METTL25: variants seen among roughly 807,000 people sequenced by gnomAD.
METTL25 encodes probable methyltransferase-like protein 25.
A neutral mutation model predicts 71.6 loss-of-function variants in METTL25; 64 were observed. The ratio of observed to expected loss-of-function variants is 0.89; its 90% CI spans 0.73 to 1.10. The LOEUF (loss-of-function observed/expected upper bound fraction) is 1.10. Among genes scored for constraint, METTL25 ranks in the 50% least tolerant of loss-of-function variants. The pLI is 0.00. For missense variants in METTL25, 807 were observed against 707.0 expected (o/e 1.14, Z -1.60); for synonymous variants, 287 against 250.3 (o/e 1.15, Z -1.38).
intron 9 of METTL25, among the ~76,000 whole-genome samples, chr12:82,467,561 G>A (rs967076897): frequency 3.3e-5 from 5 of 151,898 alleles, no homozygotes; most frequent in South Asian, 2.1e-4. Flanking sequence ...CATTATCTTG[G>A]CTGGCAGTTT....
At chr12:82,460,505 T>C (rs1891791479) in intron 9 of METTL25, among the ~76,000 whole-genome samples, 1 of 152,314 alleles carries the variant, frequency 6.6e-6, no homozygotes, top group East Asian at 1.9e-4. Context: ...ATAATTCATG[T>C]TGCTAGTATG....
At chr12:82,399,627 G>C (rs1024592726) in intron 4 of METTL25, among the ~76,000 whole-genome samples, 1 of 151,940 alleles carries the variant, frequency 6.6e-6, no homozygotes, top group Non-Finnish European at 1.5e-5. Flanking sequence ...TTGAAGTCCT[G>C]GCACAAAAGC....
At chr12:82,415,191 A>G (rs1013079482) in intron 5 of METTL25, among the ~76,000 whole-genome samples, 8 of 152,120 alleles carry the variant, frequency 5.3e-5, no homozygotes, top group African/African-American at 1.9e-4. Context: ...TTCATTAATA[A>G]AAAATGTTTT....
chr12:82,437,359 T>G (rs983751627), intron 7 of METTL25, among the ~76,000 whole-genome samples: 1 of 151,690 alleles, frequency 6.6e-6, no homozygotes, highest in Non-Finnish European at 1.5e-5. Context: ...ATCCCCACTA[T>G]TCCTGCTTTA....
chr12:82,361,318 A>T (rs548997846), intron 1 of METTL25, among the ~76,000 whole-genome samples: 4 of 152,328 alleles, frequency 2.6e-5, no homozygotes, highest in African/African-American at 9.6e-5. Flanking sequence ...AGTTTATCCA[A>T]GTCCCCACTA....
At chr12:82,370,802 GTC>G (rs1883152895) in intron 1 of METTL25, among the ~76,000 whole-genome samples, 1 of 150,842 alleles carries the variant, frequency 6.6e-6, no homozygotes. Context: ...CTGACTTTCT[GTC>G]TCTTTCTCTC....
chr12:82,384,654 G>C (rs556169792), intron 1 of METTL25, among the ~76,000 whole-genome samples: 1 of 151,874 alleles, frequency 6.6e-6, no homozygotes, highest in African/African-American at 2.4e-5. Flanking sequence ...TTGTAACTCA[G>C]ATCTTTAAAT....
chr12:82,463,884 C>A (rs1265757402), intron 9 of METTL25, among the ~76,000 whole-genome samples: 2 of 151,648 alleles, frequency 1.3e-5, no homozygotes, highest in African/African-American at 4.8e-5. Context: ...TGTATGTCTT[C>A]TTTTGAGAAA....
intron 8 of METTL25, among the ~76,000 whole-genome samples, chr12:82,453,695 ATAAC>A (rs1248082198): frequency 7.2e-5 from 11 of 152,174 alleles, no homozygotes; most frequent in Admixed American, 7.2e-4. Flanking sequence ...ACTTATTTGT[ATAAC>A]TAAGCCTGCC....
intron 9 of METTL25, among the ~76,000 whole-genome samples, chr12:82,467,746 C>A (rs1019187717): frequency 6.6e-6 from 1 of 152,054 alleles, no homozygotes; most frequent in Admixed American, 6.6e-5. Flanking sequence ...AGTAGTTTGA[C>A]TTTAATATGC....
intron 1 of METTL25, among the ~76,000 whole-genome samples, chr12:82,374,703 C>T (rs573394969): frequency 6.6e-6 from 1 of 152,242 alleles, no homozygotes; most frequent in Non-Finnish European, 1.5e-5. Flanking sequence ...GTGTATAGAA[C>T]AGTGTAAGCA....
chr12:82,368,587 C>T (rs938398588), intron 1 of METTL25, among the ~76,000 whole-genome samples: 1 of 152,038 alleles, frequency 6.6e-6, no homozygotes, highest in Non-Finnish European at 1.5e-5. Flanking sequence ...CTCATACCCC[C>T]GAAAATGAAT....
chr12:82,451,701 G>A (rs564372960), intron 8 of METTL25, among the ~76,000 whole-genome samples: 1 of 152,020 alleles, frequency 6.6e-6, no homozygotes, highest in Non-Finnish European at 1.5e-5. Flanking sequence ...CTGATTTTTA[G>A]GGTCTCATTT....
intron 1 of METTL25, among the ~76,000 whole-genome samples, chr12:82,371,267 G>A (rs538278920): frequency 8.5e-5 from 13 of 152,314 alleles, no homozygotes; most frequent in South Asian, 6.2e-4. Flanking sequence ...GGGTGATGAC[G>A]TGAGCTGGTG....
intron 9 of METTL25, among the ~76,000 whole-genome samples, chr12:82,471,273 C>G (rs1239466401): frequency 6.6e-6 from 1 of 152,234 alleles, no homozygotes; most frequent in African/African-American, 2.4e-5. Context: ...AGTCTGCATT[C>G]CTGTGTGGTC....
chr12:82,436,522 G>A (rs920462324), intron 7 of METTL25, among the ~76,000 whole-genome samples: 3 of 151,434 alleles, frequency 2.0e-5, no homozygotes, highest in Non-Finnish European at 4.4e-5. Flanking sequence ...TTCCAGTAAT[G>A]CACATTTGAA....
At chr12:82,398,749 C>A in intron 3 of METTL25, 46 bp from the exon 4 acceptor site, 2 of 1,310,186 alleles carry the variant, frequency 1.5e-6, no homozygotes, top group Non-Finnish European at 2.0e-6. Context: ...CTTTCTATTA[C>A]CATTTGCCTA....
chr12:82,362,394 A>G (rs568534092), intron 1 of METTL25, among the ~76,000 whole-genome samples: 1 of 152,254 alleles, frequency 6.6e-6, no homozygotes, highest in Admixed American at 6.5e-5. Context: ...TCATCTGTAA[A>G]ATGGGGGTAA....
At chr12:82,404,621 A>G (rs189172150) in intron 5 of METTL25, among the ~76,000 whole-genome samples, 425 of 152,210 alleles carry the variant, frequency 2.8e-3, no homozygotes, top group African/African-American at 6.9e-3. Context: ...ATGAAATTCA[A>G]TTAATAAATG....
Sources: gnomAD v4.1 joint callset for allele counts (sites outside exome capture counted in the v4.1 genomes callset) on GRCh38, gnomAD v4.1.1 for gene constraint, MANE v1.5 for transcripts, NCBI Gene and HGNC (gene_info 2026-07-23, HGNC 2026-07-21) for gene names.